Variants in WWOX observed in about 807,000 individuals in gnomAD.
The protein encoded by WWOX is WW domain-containing oxidoreductase.
A neutral mutation model predicts 46.2 loss-of-function variants in WWOX; 69 were observed. That is an observed-to-expected ratio of 1.49 (90% CI 1.23 to 1.82). The LOEUF is 1.82. WWOX is among the 40% of genes most tolerant of loss of function. WWOX has a pLI of 0.00. For synonymous variants in WWOX, 359 were observed against 202.6 expected (o/e 1.77, Z -6.56); for missense variants, 919 against 542.6 (o/e 1.69, Z -6.89).
chr16:78,568,944 A>G (rs113781588), intron 8 of WWOX, among the ~76,000 whole-genome samples: 2,613 of 152,272 alleles, frequency 0.017, 71 homozygotes, highest in African/African-American at 0.06. Context: ...CTTATTGTCC[A>G]CTTCTACCTT....
chr16:79,174,397 C>G (rs942745555), intron 8 of WWOX, among the ~76,000 whole-genome samples: 24 of 152,284 alleles, frequency 1.6e-4, no homozygotes, highest in African/African-American at 5.3e-4. Context: ...GCCTGTAATC[C>G]CAGCTCTTTG....
chr16:78,894,993 G>A (rs909865176), intron 8 of WWOX, among the ~76,000 whole-genome samples: 3 of 152,162 alleles, frequency 2.0e-5, no homozygotes, highest in East Asian at 3.9e-4. Flanking sequence ...TACAGAAGCT[G>A]GAGATCCCAT....
intron 8 of WWOX, among the ~76,000 whole-genome samples, chr16:78,886,639 C>CATAT (rs3085495): frequency 0.091 from 13,194 of 144,708 alleles, 1,034 homozygotes; most frequent in African/African-American, 0.21. Context: ...CAAAGAAAAA[C>CATAT]ATATATATAT....
chr16:79,014,767 T>G (rs2047379889), intron 8 of WWOX, among the ~76,000 whole-genome samples: 1 of 152,202 alleles, frequency 6.6e-6, no homozygotes, highest in Non-Finnish European at 1.5e-5. Flanking sequence ...TTCGAGTTAG[T>G]TTTGCTCTAT....
intron 6 of WWOX, among the ~76,000 whole-genome samples, chr16:78,417,976 T>G (rs1376723408): frequency 6.6e-6 from 1 of 152,192 alleles, no homozygotes; most frequent in Non-Finnish European, 1.5e-5. Flanking sequence ...CGAGTGATAA[T>G]AAGATTTGCA....
intron 8 of WWOX, among the ~76,000 whole-genome samples, chr16:79,184,437 C>A (rs894278731): frequency 6.6e-6 from 1 of 152,170 alleles, no homozygotes; most frequent in Non-Finnish European, 1.5e-5. Context: ...TTCACCAGAC[C>A]ACCAATTTCC....
intron 8 of WWOX, among the ~76,000 whole-genome samples, chr16:78,984,166 T>C (rs1375841225): frequency 6.6e-6 from 1 of 152,024 alleles, no homozygotes; most frequent in Non-Finnish European, 1.5e-5. Flanking sequence ...GCATGAGCCA[T>C]CGCGCCCGGC....
chr16:78,677,979 T>TTA (rs1567483924), intron 8 of WWOX, among the ~76,000 whole-genome samples: 1 of 152,216 alleles, frequency 6.6e-6, no homozygotes, highest in Admixed American at 6.5e-5. Flanking sequence ...AGCCACTGTT[T>TTA]AAAATAGCAA....
intron 5 of WWOX, among the ~76,000 whole-genome samples, chr16:78,186,139 T>G (rs748794316): frequency 1.6e-4 from 24 of 152,338 alleles, no homozygotes; most frequent in South Asian, 1.0e-3. Flanking sequence ...TAAAAAAATC[T>G]TAATTAACAT....
chr16:78,140,704 G>A (rs972752679), intron 4 of WWOX, among the ~76,000 whole-genome samples: 5 of 152,102 alleles, frequency 3.3e-5, no homozygotes, highest in African/African-American at 1.2e-4. Context: ...GTTTTACTGG[G>A]TGAGAGCCCA....
chr16:78,514,498 G>C (rs1236108549), intron 8 of WWOX, among the ~76,000 whole-genome samples: 1 of 152,124 alleles, frequency 6.6e-6, no homozygotes, highest in Non-Finnish European at 1.5e-5. Context: ...AGGTGAAGTG[G>C]TCCTAATCTG....
At chr16:78,886,849 G>T (rs1471936527) in intron 8 of WWOX, among the ~76,000 whole-genome samples, 1 of 152,064 alleles carries the variant, frequency 6.6e-6, no homozygotes, top group Non-Finnish European at 1.5e-5. Flanking sequence ...GGAAAGCTTT[G>T]TTAGAGTCTT....
intron 8 of WWOX, among the ~76,000 whole-genome samples, chr16:78,527,682 A>G (rs2043509708): frequency 6.6e-6 from 1 of 151,816 alleles, no homozygotes; most frequent in Admixed American, 6.6e-5. Context: ...ACCCTGTTTA[A>G]TAATGTATGT....
Position 78,340,222 on chromosome 16 carries a change from A to G in WWOX, c.517-46638A>G, listed in dbSNP as rs1464948255. ...TAGTCTTTTTTTTTTTTTGAGATGGAGTCTTACTGTGTCACCTAGGCTGGA... is the reference window on the plus strand; with the variant it reads ...TAGTCTTTTTTTTTTTTTGAGATGGGGTCTTACTGTGTCACCTAGGCTGGA... On this transcript the variant is annotated intron_variant, in intron 5 of 8. Transcript: ENST00000566780. Among the ~76,000 whole-genome samples the G allele has an allele frequency of 3.0e-5, 3 of 101,680 alleles. 1 individual carries two copies. Among genetic ancestry groups the G allele is most frequent in the African/African-American group, 1.0e-4 (3 of 29,764 alleles). 66.7% of individuals were successfully genotyped at this position (101,680 alleles called of 152,430 possible).
At chr16:78,639,056 C>T (rs763066857) in intron 8 of WWOX, among the ~76,000 whole-genome samples, 8 of 152,134 alleles carry the variant, frequency 5.3e-5, no homozygotes, top group Non-Finnish European at 1.2e-4. Context: ...TGAACAGAAA[C>T]ACACTTTAGT....
rs2050660405 is a variant in WWOX at position 79,169,551 on chromosome 16, C to T, written c.1057-42057C>T. On this transcript the variant is annotated intron_variant, in intron 8 of 8. Transcript: ENST00000566780. ...TCCTTTTAAAGCCAGGGTAAAGTCCCCAGCACCCAGAATCAAGGATGGGGA... is the reference window on the plus strand; with the variant it reads ...TCCTTTTAAAGCCAGGGTAAAGTCCTCAGCACCCAGAATCAAGGATGGGGA... Among the ~76,000 whole-genome samples the T allele has an allele frequency of 2.0e-5, 3 of 152,196 alleles. No homozygotes were observed. In the South Asian group the frequency reaches 6.2e-4, roughly 31 times the overall value.
intron 8 of WWOX, among the ~76,000 whole-genome samples, chr16:78,495,711 G>A (rs1005828745): frequency 2.0e-5 from 3 of 151,894 alleles, no homozygotes; most frequent in Non-Finnish European, 4.4e-5. Flanking sequence ...GTTTCACCAT[G>A]TTGGCCAGGG....
At chr16:78,356,403 C>T (rs1212483495) in intron 5 of WWOX, among the ~76,000 whole-genome samples, 3 of 152,112 alleles carry the variant, frequency 2.0e-5, no homozygotes, top group African/African-American at 7.2e-5. Context: ...AAATGCTTAA[C>T]TTTCCTGTGG....
intron 8 of WWOX, among the ~76,000 whole-genome samples, chr16:78,576,195 C>G (rs1034983587): frequency 6.6e-6 from 1 of 152,184 alleles, no homozygotes; most frequent in Non-Finnish European, 1.5e-5. Flanking sequence ...AAGAAGTAAT[C>G]ACCATAATCT....
Sources: gnomAD v4.1 joint callset for allele counts (sites outside exome capture counted in the v4.1 genomes callset) on GRCh38, gnomAD v4.1.1 for gene constraint, MANE v1.5 for transcripts, NCBI Gene and HGNC (gene_info 2026-07-23, HGNC 2026-07-21) for gene names.